The following MGMT variants were observed in gnomAD, a reference collection of about 807,000 sequenced individuals.
MGMT encodes methylated-DNA--protein-cysteine methyltransferase.
Under a neutral mutation model 15.9 loss-of-function variants are expected in MGMT, and 14 were observed. That is an observed-to-expected ratio of 0.88 (90% CI 0.58 to 1.37). The LOEUF (loss-of-function observed/expected upper bound fraction) is 1.37, where lower values mean the gene tolerates loss of function less well. Among genes scored for constraint, MGMT ranks in the 40% most tolerant of loss-of-function variants. The pLI is 0.00. For synonymous variants in MGMT, 130 were observed against 118.2 expected (o/e 1.10, Z -0.65); for missense variants, 282 against 268.1 (o/e 1.05, Z -0.36).
intron 2 of MGMT, among the ~76,000 whole-genome samples, chr10:129,580,517 G>T (rs1217807098): frequency 6.6e-6 from 1 of 152,120 alleles, no homozygotes; most frequent in East Asian, 1.9e-4. Context: ...AGGTCTAGAC[G>T]TTCCTAGGCT....
chr10:129,517,046 T>C lies in MGMT; in HGVS notation c.-12-19195T>C, dbSNP rs184529282. On this transcript the variant is annotated intron_variant, in intron 1 of 4. Transcript: ENST00000651593. ...AACTGGTGTCCAGCAGTCAGCTGTC[T>C]GCGCATCCGTCCCTCCCACTCCAGC... 5.7e-3 allele frequency among the ~76,000 whole-genome samples: 873 copies of C among 152,344 alleles called. 16 individuals carry two copies. The highest frequency in any genetic ancestry group is 0.037 in the Admixed American group (566 of 15,306).
In MGMT at chr10:129,495,161, A is replaced by G. The variant is rs1378746678; in HGVS notation, c.-13+27865A>G. On this transcript the variant is annotated intron_variant, in intron 1 of 4. Transcript: ENST00000651593. The stretch of plus-strand genomic sequence containing the variant: ...ATTAACAATTTACATTTATGATTCT[A>G]TTTTCTTTTATAAGTAACTGCTATT... Among the ~76,000 whole-genome samples the G allele has an allele frequency of 3.3e-5, 5 of 152,154 alleles. No individual in the cohort carries two copies. In the South Asian group the frequency reaches 6.2e-4, roughly 19 times the overall value.
chr10:129,545,011 G>A (rs545112608), intron 2 of MGMT, among the ~76,000 whole-genome samples: 4 of 152,306 alleles, frequency 2.6e-5, no homozygotes, highest in Middle Eastern at 3.4e-3. Flanking sequence ...CCCCTGCTTC[G>A]TCTGTCTGGC....
At chr10:129,483,981 T>C (rs1438068345) in intron 1 of MGMT, among the ~76,000 whole-genome samples, 2 of 152,176 alleles carry the variant, frequency 1.3e-5, no homozygotes, top group African/African-American at 4.8e-5. Flanking sequence ...CCACATAGCC[T>C]GCAGGAAATC....
At chr10:129,615,878 CAG>C (rs1847019777) in intron 2 of MGMT, among the ~76,000 whole-genome samples, 1 of 152,124 alleles carries the variant, frequency 6.6e-6, no homozygotes, top group Non-Finnish European at 1.5e-5. Context: ...GGGGGTGTGG[CAG>C]TGGGACCAGG....
chr10:129,482,677 T>C (rs1025443238), intron 1 of MGMT, among the ~76,000 whole-genome samples: 3 of 152,182 alleles, frequency 2.0e-5, no homozygotes, highest in Admixed American at 1.3e-4. Flanking sequence ...TCATATTCCT[T>C]TTTTGAAATT....
intron 1 of MGMT, 48 bp from the exon 2 acceptor site, chr10:129,536,193 A>T: frequency 6.3e-7 from 1 of 1,598,942 alleles, no homozygotes; most frequent in Non-Finnish European, 8.5e-7. Context: ...TTTATATACG[A>T]CCAGCCTCTT....
chr10:129,705,425 G>A (rs537927801), intron 2 of MGMT, among the ~76,000 whole-genome samples: 22 of 152,290 alleles, frequency 1.4e-4, no homozygotes, highest in Non-Finnish European at 2.5e-4. Flanking sequence ...CCCAAAACAC[G>A]AAAGGCTGTG....
At position 129,601,823 on chromosome 10, in the gene MGMT, C is replaced by T. The variant is rs572925898; in HGVS notation, c.125+65446C>T. ...GGGCGTGCAGGGCTTCTTGACACTT[C>T]GCAGCAACGTAAGGATGTGGTAGTA... On this transcript the variant is annotated intron_variant, in intron 2 of 4. Transcript: ENST00000651593. Among the ~76,000 whole-genome samples the T allele has an allele frequency of 1.1e-4, 16 of 152,326 alleles. 1 individual carries two copies. The South Asian group carries it at 1.7e-3, about 16-fold the overall frequency.
At chr10:129,554,175 C>T (rs756886346) in intron 2 of MGMT, among the ~76,000 whole-genome samples, 50 of 152,252 alleles carry the variant, frequency 3.3e-4, no homozygotes, top group Non-Finnish European at 5.4e-4. Flanking sequence ...GATGTGCATC[C>T]TCATCACACA....
intron 2 of MGMT, among the ~76,000 whole-genome samples, chr10:129,538,782 C>A (rs185733737): frequency 2.0e-5 from 3 of 152,020 alleles, no homozygotes; most frequent in Non-Finnish European, 4.4e-5. Context: ...ATTACAGGCA[C>A]GCACCGCCAC....
intron 1 of MGMT, among the ~76,000 whole-genome samples, chr10:129,505,848 C>T (rs1845619367): frequency 6.6e-6 from 1 of 152,048 alleles, no homozygotes; most frequent in Non-Finnish European, 1.5e-5. Context: ...AGAGATTGCT[C>T]ATTATTCATG....
chr10:129,520,842 T>G (rs1373233473), intron 1 of MGMT, among the ~76,000 whole-genome samples: 3 of 128,172 alleles, frequency 2.3e-5, no homozygotes, highest in African/African-American at 6.1e-5. Flanking sequence ...CTATGGTGCA[T>G]GTACAGACCC....
At chr10:129,603,642 A>G (rs1846851182) in intron 2 of MGMT, among the ~76,000 whole-genome samples, 1 of 152,246 alleles carries the variant, frequency 6.6e-6, no homozygotes. Flanking sequence ...CAGAAATAGC[A>G]TTTTAAAATT....
rs186240476 is a variant in MGMT at position 129,606,980 on chromosome 10, G to A, written c.125+70603G>A. ...TGTGACTTTATGTTGTTTTTAAATG[G>A]GCTGGGAAAGCCCGTTTTTTCTCTG... On this transcript the variant is annotated intron_variant, in intron 2 of 4. Transcript: ENST00000651593. Among the ~76,000 whole-genome samples, 518 of 152,166 alleles carry A rather than the reference G, an allele frequency of 3.4e-3. 3 individuals are homozygous for A. The highest frequency in any genetic ancestry group is 0.012 in the African/African-American group (490 of 41,510).
chr10:129,677,468 A>G, intron 2 of MGMT, among the ~76,000 whole-genome samples: 1 of 152,170 alleles, frequency 6.6e-6, no homozygotes, highest in East Asian at 1.9e-4. Context: ...TTTCGCAGCC[A>G]TGCCTCATCT....
intron 1 of MGMT, among the ~76,000 whole-genome samples, chr10:129,478,920 A>C (rs974844041): frequency 4.0e-5 from 4 of 99,452 alleles, no homozygotes; most frequent in Admixed American, 1.1e-4. Context: ...CATAGTGAGA[A>C]TCTCTAAGAA....
intron 2 of MGMT, among the ~76,000 whole-genome samples, chr10:129,621,336 T>G (rs566445539): frequency 2.8e-4 from 43 of 152,364 alleles, no homozygotes; most frequent in Non-Finnish European, 4.6e-4. Context: ...TACTTCTACA[T>G]GTTATAGACT....
chr10:129,565,149 C>T (rs1378379910), intron 2 of MGMT, among the ~76,000 whole-genome samples: 1 of 152,226 alleles, frequency 6.6e-6, no homozygotes, highest in Non-Finnish European at 1.5e-5. Context: ...CCGAAGCCTG[C>T]TCCTCGTGTG....
Sources: allele counts gnomAD v4.1 joint callset (sites outside exome capture counted in the v4.1 genomes callset), GRCh38; gene constraint gnomAD v4.1.1; transcripts MANE v1.5; gene names NCBI Gene and HGNC (gene_info 2026-07-23, HGNC 2026-07-21).